UBL3: variants seen among roughly 807,000 people sequenced by gnomAD.
UBL3 encodes ubiquitin-like protein 3.
In UBL3, 6 loss-of-function variants were observed where a neutral mutation model predicts 18.4. That is an observed-to-expected ratio of 0.33 (90% CI 0.18 to 0.64). The LOEUF (loss-of-function observed/expected upper bound fraction) is 0.64. UBL3 is among the 30% of genes least tolerant of loss of function. UBL3 has a pLI of 0.76. For missense variants in UBL3, 109 were observed against 142.9 expected (o/e 0.76, Z 1.21); for synonymous variants, 49 against 46.6 (o/e 1.05, Z -0.21).
intron 1 of UBL3, among the ~76,000 whole-genome samples, chr13:29,799,268 T>C (rs1384217473): frequency 6.6e-6 from 1 of 152,232 alleles, no homozygotes; most frequent in Non-Finnish European, 1.5e-5. Context: ...CATTGCCAAA[T>C]GTCTCCTAGG....
chr13:29,779,099 A>G (rs1877076714), intron 1 of UBL3: 11 of 361,810 alleles, frequency 3.0e-5, no homozygotes, highest in Non-Finnish European at 2.6e-5. Context: ...TTCCACTTGA[A>G]TAAGTTCAAG....
chr13:29,777,158 T>C lies in UBL3; in HGVS notation c.133A>G (p.Met45Val), dbSNP rs1270376581. Reference protein sequence around the residue: ...IAKHVYDNWPMDWEEEQVSSP... With the variant: ...IAKHVYDNWPVDWEEEQVSSP... The stretch of plus-strand genomic sequence containing the variant: ...TCAAGAGAAAAATATCACTCACCCA[T>C]TGGCCAATTGTCATATACATGCTTT... Residue 45 changes from methionine (M) to valine (V), a missense_variant, in exon 2 of 5, where the codon ATG (methionine) becomes GTG (valine). By Grantham distance (21) the Met-to-Val change is conservative. Coordinates refer to ENST00000380680, the MANE Select transcript of UBL3 (RefSeq NM_007106.4). 1 of 1,586,678 alleles carries C rather than the reference T, an allele frequency of 6.3e-7. No homozygotes were observed. The highest frequency in any genetic ancestry group is 8.6e-7 in the Non-Finnish European group (1 of 1,165,760).
chr13:29,808,489 A>AT (rs1305886533), intron 1 of UBL3, among the ~76,000 whole-genome samples: 1 of 152,124 alleles, frequency 6.6e-6, no homozygotes. Flanking sequence ...ACTACTTAAT[A>AT]GCTGTGACAT....
intron 1 of UBL3, among the ~76,000 whole-genome samples, chr13:29,823,719 A>G (rs1230657380): frequency 6.6e-6 from 1 of 152,070 alleles, no homozygotes; most frequent in Non-Finnish European, 1.5e-5. Context: ...TTTTCTATTT[A>G]TTTTTATTAT....
intron 1 of UBL3, among the ~76,000 whole-genome samples, chr13:29,835,105 T>TCCACCCTCCTGG (rs1878895277): frequency 8.0e-5 from 2 of 25,020 alleles, no homozygotes; most frequent in African/African-American, 7.8e-4. Context: ...TATATATATA[T>TCCACCCTCCTGG]AAATATATAT....
chr13:29,839,515 A>G (rs1244138728), intron 1 of UBL3, among the ~76,000 whole-genome samples: 1 of 152,234 alleles, frequency 6.6e-6, no homozygotes, highest in African/African-American at 2.4e-5. Context: ...AGCCAGGCAC[A>G]GTGGTCTGCA....
intron 1 of UBL3, among the ~76,000 whole-genome samples, chr13:29,806,889 T>C (rs1039960812): frequency 2.0e-5 from 3 of 152,226 alleles, no homozygotes; most frequent in African/African-American, 7.2e-5. Flanking sequence ...GTGCAATTTT[T>C]AAGTTTTATA....
At chr13:29,796,701 A>C (rs1049242325) in intron 1 of UBL3, among the ~76,000 whole-genome samples, 2 of 152,226 alleles carry the variant, frequency 1.3e-5, no homozygotes, top group Non-Finnish European at 2.9e-5. Context: ...CCACAGTGAA[A>C]TACTATCTCC....
chr13:29,844,281 TAAAC>T (rs771663279), intron 1 of UBL3, among the ~76,000 whole-genome samples: 53 of 152,248 alleles, frequency 3.5e-4, no homozygotes, highest in Non-Finnish European at 2.6e-4. Flanking sequence ...GGGGACAAAA[TAAAC>T]AAACAGAAGT....
intron 1 of UBL3, among the ~76,000 whole-genome samples, chr13:29,842,258 A>G (rs1043575247): frequency 2.0e-5 from 3 of 150,464 alleles, no homozygotes; most frequent in Admixed American, 6.7e-5. Flanking sequence ...CCTGGGTTCA[A>G]GTGATTCTCC....
intron 1 of UBL3, among the ~76,000 whole-genome samples, chr13:29,838,427 C>T (rs1879014584): frequency 6.6e-6 from 1 of 152,072 alleles, no homozygotes; most frequent in South Asian, 2.1e-4. Context: ...ATTTTAACAA[C>T]AACATTACTC....
At chr13:29,804,581 G>A (rs1432140588) in intron 1 of UBL3, among the ~76,000 whole-genome samples, 1 of 151,858 alleles carries the variant, frequency 6.6e-6, no homozygotes, top group East Asian at 1.9e-4. Flanking sequence ...TAGAAAAAAG[G>A]GAGAAGATCC....
intron 1 of UBL3, among the ~76,000 whole-genome samples, chr13:29,841,334 G>A (rs1468258931): frequency 6.6e-6 from 1 of 151,374 alleles, no homozygotes; most frequent in Non-Finnish European, 1.5e-5. Context: ...AAAATGCCCC[G>A]AAATCACTAA....
At chr13:29,797,695 T>TAA (rs1482743866) in intron 1 of UBL3, among the ~76,000 whole-genome samples, 1 of 152,226 alleles carries the variant, frequency 6.6e-6, no homozygotes, top group Non-Finnish European at 1.5e-5. Context: ...TTCTAAGTCT[T>TAA]AAAACTGTTG....
At chr13:29,843,340 T>C (rs1306855947) in intron 1 of UBL3, among the ~76,000 whole-genome samples, 1 of 152,236 alleles carries the variant, frequency 6.6e-6, no homozygotes, top group East Asian at 1.9e-4. Flanking sequence ...TAACTTGTTT[T>C]AATCTTTCAA....
intron 1 of UBL3, among the ~76,000 whole-genome samples, chr13:29,798,099 C>G (rs1362530524): frequency 6.6e-6 from 1 of 151,698 alleles, no homozygotes; most frequent in African/African-American, 2.4e-5. Context: ...GATCTTGGCT[C>G]GCTGCAACCT....
At chr13:29,783,976 A>AT (rs1877242853) in intron 1 of UBL3, among the ~76,000 whole-genome samples, 1 of 152,176 alleles carries the variant, frequency 6.6e-6, no homozygotes, top group South Asian at 2.1e-4. Flanking sequence ...TGAATTATAT[A>AT]TTTTTTATAT....
At chr13:29,823,191 G>A (rs1480657906) in intron 1 of UBL3, among the ~76,000 whole-genome samples, 1 of 152,100 alleles carries the variant, frequency 6.6e-6, no homozygotes, top group Non-Finnish European at 1.5e-5. Flanking sequence ...TGCCCAGGCT[G>A]GAGTGCAATG....
intron 3 of UBL3, among the ~76,000 whole-genome samples, chr13:29,769,625 C>A (rs1219772701): frequency 2.0e-5 from 3 of 152,038 alleles, no homozygotes; most frequent in Admixed American, 1.3e-4. Context: ...TTCAGAGCCA[C>A]ATTTTTGGAA....
Sources: gnomAD v4.1 joint callset for allele counts (sites outside exome capture counted in the v4.1 genomes callset) on GRCh38, gnomAD v4.1.1 for gene constraint, MANE v1.5 for transcripts, NCBI Gene and HGNC (gene_info 2026-07-23, HGNC 2026-07-21) for gene names.